VDAC1: variants seen among roughly 807,000 people sequenced by gnomAD.
VDAC1 encodes voltage dependent anion channel 1, also known as non-selective voltage-gated ion channel VDAC1.
VDAC1 carries 10 observed loss-of-function variants against 34.7 expected under a neutral mutation model. That is an observed-to-expected ratio of 0.29 (90% CI 0.18 to 0.49). VDAC1 has a LOEUF of 0.49. Among genes scored for constraint, VDAC1 ranks in the 20% least tolerant of loss-of-function variants. The probability of loss-of-function intolerance (pLI) is 0.99; values close to 1 mark genes in which losing one functional copy is unlikely to be tolerated. For synonymous variants in VDAC1, 130 were observed against 136.0 expected, an observed-to-expected ratio of 0.96 and a Z score of 0.30; for missense variants, 230 against 347.9, an observed-to-expected ratio of 0.66 and a Z score of 2.69.
chr5:133,979,398 A>G (rs1291842474), intron 6 of VDAC1, among the ~76,000 whole-genome samples: 1 of 148,064 alleles, frequency 6.8e-6, no homozygotes, highest in Non-Finnish European at 1.5e-5. Context: ...TTAATTAAAC[A>G]TATAATAAAA....
At chr5:134,025,963 C>T in the VDAC1 span, among the ~76,000 whole-genome samples, 1 of 152,244 alleles carries the variant, frequency 6.6e-6, no homozygotes, top group East Asian at 1.9e-4. Flanking sequence ...TTGCCATGGG[C>T]AGTGCCAACC....
the VDAC1 span, among the ~76,000 whole-genome samples, chr5:134,066,239 C>A: frequency 6.6e-6 from 1 of 151,828 alleles, no homozygotes; most frequent in Non-Finnish European, 1.5e-5. Context: ...CCTGACCTTG[C>A]GATCCACCCA....
the VDAC1 span, among the ~76,000 whole-genome samples, chr5:134,016,226 T>C: frequency 6.6e-6 from 1 of 152,098 alleles, no homozygotes; most frequent in Non-Finnish European, 1.5e-5. Context: ...TCATTATTAT[T>C]GTACAGCAAA....
At chr5:134,064,961 C>A in the VDAC1 span, among the ~76,000 whole-genome samples, 28 of 152,176 alleles carry the variant, frequency 1.8e-4, no homozygotes, top group African/African-American at 6.5e-4. Flanking sequence ...CTCAAGCAAT[C>A]TGCCTGACTC....
At chr5:133,983,790 G>A (rs1752793969) in intron 5 of VDAC1, among the ~76,000 whole-genome samples, 1 of 152,114 alleles carries the variant, frequency 6.6e-6, no homozygotes, top group Non-Finnish European at 1.5e-5. Context: ...TTAGACCATG[G>A]GGGTGGATCC....
the VDAC1 span, among the ~76,000 whole-genome samples, chr5:134,050,833 G>T: frequency 2.0e-5 from 3 of 152,220 alleles, no homozygotes; most frequent in South Asian, 6.2e-4. Context: ...CAGAGTCAAG[G>T]TGGGGATGGA....
the VDAC1 span, among the ~76,000 whole-genome samples, chr5:134,024,202 T>C: frequency 1.5e-4 from 22 of 151,206 alleles, no homozygotes; most frequent in Non-Finnish European, 2.8e-4. Flanking sequence ...CTGACCTGAC[T>C]TGAAGAAGGT....
upstream of VDAC1, among the ~76,000 whole-genome samples, chr5:134,006,119 C>A (rs1329103512): frequency 6.6e-6 from 1 of 152,110 alleles, no homozygotes; most frequent in African/African-American, 2.4e-5. Context: ...GTTACCTAGG[C>A]CCTGTGTAGG....
the VDAC1 span, among the ~76,000 whole-genome samples, chr5:134,055,607 T>TG: frequency 1.7e-4 from 24 of 142,476 alleles, no homozygotes; most frequent in African/African-American, 6.0e-4. Flanking sequence ...TTTTTTTTTT[T>TG]TTTTTTTTTT....
chr5:134,102,073 G>T, the VDAC1 span, among the ~76,000 whole-genome samples: 10 of 152,286 alleles, frequency 6.6e-5, no homozygotes, highest in Admixed American at 3.9e-4. Flanking sequence ...ACAGGGGAGC[G>T]GTTTCCTTTT....
At chr5:134,027,957 G>C in the VDAC1 span, among the ~76,000 whole-genome samples, 1 of 151,626 alleles carries the variant, frequency 6.6e-6, no homozygotes, top group African/African-American at 2.4e-5. Flanking sequence ...TTTTAGTACA[G>C]ACAGGGTTTC....
At chr5:134,011,941 A>G in the VDAC1 span, among the ~76,000 whole-genome samples, 3 of 152,028 alleles carry the variant, frequency 2.0e-5, no homozygotes, top group Non-Finnish European at 4.4e-5. Flanking sequence ...TGCCCGGCCT[A>G]CAGTTCTTAT....
chr5:133,988,737 C>G (rs1752993125), intron 5 of VDAC1: 1 of 150,958 alleles, frequency 6.6e-6, no homozygotes, highest in Admixed American at 6.6e-5. Context: ...GCACTCCAGC[C>G]TGGGCGACAG....
the VDAC1 span, among the ~76,000 whole-genome samples, chr5:134,093,070 C>A: frequency 6.6e-6 from 1 of 152,356 alleles, no homozygotes; most frequent in East Asian, 1.9e-4. Context: ...AATCTACCAG[C>A]AATCTGCTGC....
At chr5:134,096,631 G>A in the VDAC1 span, among the ~76,000 whole-genome samples, 3 of 149,162 alleles carry the variant, frequency 2.0e-5, no homozygotes, top group Non-Finnish European at 4.4e-5. Context: ...TTTGAGACAG[G>A]GTCTCACTCT....
chr5:134,044,066 C>A, the VDAC1 span, among the ~76,000 whole-genome samples: 29 of 152,304 alleles, frequency 1.9e-4, no homozygotes, highest in Admixed American at 3.9e-4. Flanking sequence ...CAAACCAAGC[C>A]TTTCCAACTC....
upstream of VDAC1, chr5:134,005,114 C>G (rs543470816): frequency 6.6e-6 from 1 of 152,300 alleles, no homozygotes; most frequent in African/African-American, 2.4e-5. Context: ...GAGCTGTGGC[C>G]CGGAGGTCCC....
At chr5:134,086,611 G>C in the VDAC1 span, among the ~76,000 whole-genome samples, 2 of 152,178 alleles carry the variant, frequency 1.3e-5, no homozygotes, top group Non-Finnish European at 2.9e-5. Flanking sequence ...TTTTCCTCCT[G>C]TCCCAGGACC....
chr5:134,114,417 C>T, the VDAC1 span, among the ~76,000 whole-genome samples: 2 of 152,154 alleles, frequency 1.3e-5, no homozygotes, highest in Admixed American at 6.5e-5. Flanking sequence ...GAGGAGAAAC[C>T]TGGGCGCAGA....
Sources: allele counts gnomAD v4.1 joint callset (sites outside exome capture counted in the v4.1 genomes callset), GRCh38; gene constraint gnomAD v4.1.1; transcripts MANE v1.5; gene names NCBI Gene and HGNC (gene_info 2026-07-23, HGNC 2026-07-21).